Variants in GPAT3 observed in about 807,000 individuals in gnomAD.
GPAT3 encodes 1-AGP acyltransferase 9.
In GPAT3, 53 loss-of-function variants were observed where a neutral mutation model predicts 58.8. That is an observed-to-expected ratio of 0.90 (90% CI 0.72 to 1.13). The LOEUF is 1.13. Among genes scored for constraint, GPAT3 ranks in the 50% most tolerant of loss-of-function variants. GPAT3 has a pLI of 0.00. For missense variants in GPAT3, 511 were observed against 527.6 expected (o/e 0.97, Z 0.31); for synonymous variants, 197 against 187.4 (o/e 1.05, Z -0.42).
At chr4:83,547,807 G>A (rs79020075) in intron 2 of GPAT3, among the ~76,000 whole-genome samples, 1,519 of 149,414 alleles carry the variant, frequency 0.01, 37 homozygotes, top group African/African-American at 0.035. Context: ...GGTAAATCTC[G>A]TTAAGAAGCT....
At chr4:83,570,099 G>A (rs1725546552) in intron 2 of GPAT3, among the ~76,000 whole-genome samples, 3 of 152,178 alleles carry the variant, frequency 2.0e-5, no homozygotes, top group Admixed American at 2.0e-4. Context: ...TTCGTCAGTG[G>A]GCAGGTATTG....
At position 83,536,297 on chromosome 4, in the gene GPAT3, C is replaced by G. The variant is rs1283422593; in HGVS notation, c.-326C>G. On this transcript the variant is annotated 5_prime_UTR_variant, in exon 1 of 12. Transcript: ENST00000264409. ...TCCTGGCTGCGCTCGCGCGCTCTGC[C>G]CGCGCCGCGGTGTGCCTCCGCTTAC... 9.4e-7 allele frequency: 1 copy of G among 1,066,490 alleles called. No individual in the cohort carries two copies. Among genetic ancestry groups the G allele is most frequent in the Non-Finnish European group, 1.1e-6 (1 of 882,800 alleles). 66.1% of individuals were successfully genotyped at this position (1,066,490 alleles called of 1,614,324 possible). A position where few individuals can be genotyped will look rare whatever the true frequency, so the allele number is the denominator to read the frequency against.
intron 6 of GPAT3, among the ~76,000 whole-genome samples, chr4:83,593,058 G>T (rs933466929): frequency 4.4e-4 from 67 of 151,366 alleles, no homozygotes; most frequent in African/African-American, 1.5e-3. Flanking sequence ...GTAGAGACGG[G>T]GTTTTGCCAT....
At chr4:83,579,873 G>A (rs753238328) in intron 2 of GPAT3, among the ~76,000 whole-genome samples, 2 of 152,146 alleles carry the variant, frequency 1.3e-5, no homozygotes, top group South Asian at 2.1e-4. Context: ...ACTAATACAC[G>A]TATAACTCTT....
At chr4:83,556,793 A>T (rs1042905031) in intron 2 of GPAT3, among the ~76,000 whole-genome samples, 1 of 152,226 alleles carries the variant, frequency 6.6e-6, no homozygotes, top group African/African-American at 2.4e-5. Context: ...AAAAAAAAAA[A>T]AAAGTAAATC....
intron 1 of GPAT3, among the ~76,000 whole-genome samples, chr4:83,540,093 G>T (rs184817149): frequency 6.6e-6 from 1 of 151,092 alleles, no homozygotes. Flanking sequence ...GGAGGCAGAG[G>T]CTACAGTGAG....
chr4:83,575,638 T>C (rs1725784841), intron 2 of GPAT3, among the ~76,000 whole-genome samples: 1 of 151,986 alleles, frequency 6.6e-6, no homozygotes, highest in African/African-American at 2.4e-5. Context: ...ATGGTCTCGA[T>C]CTCCTGACCT....
chr4:83,559,632 A>C (rs1470149179), intron 2 of GPAT3, among the ~76,000 whole-genome samples: 1 of 152,122 alleles, frequency 6.6e-6, no homozygotes, highest in Non-Finnish European at 1.5e-5. Context: ...GAAAGCAGGA[A>C]AGTTCTTCAT....
chr4:83,575,837 T>A (rs554670874), intron 2 of GPAT3, among the ~76,000 whole-genome samples: 1 of 152,354 alleles, frequency 6.6e-6, no homozygotes, highest in South Asian at 2.1e-4. Context: ...GTCAGTTCCA[T>A]GTAGCACTTT....
In GPAT3 at chr4:83,538,560, T is replaced by C. The variant is rs143229691; in HGVS notation, c.141+1797T>C. Among the ~76,000 whole-genome samples, 141 of 152,336 alleles carry C rather than the reference T, an allele frequency of 9.3e-4. 1 individual carries two copies. Among genetic ancestry groups the C allele is most frequent in the Middle Eastern group, 3.4e-3 (1 of 294 alleles). On this transcript the variant is annotated intron_variant, in intron 1 of 11. Transcript: ENST00000264409. ...TTGGAATTTATACCCTGTGTAAGAA[T>C]GGTGTAAAGGTAAATCACACCCACT...
intron 8 of GPAT3, among the ~76,000 whole-genome samples, chr4:83,597,136 G>C (rs904361552): frequency 2.0e-5 from 3 of 152,150 alleles, no homozygotes; most frequent in African/African-American, 7.2e-5. Flanking sequence ...AGTGAACTGA[G>C]AGCAGAATTG....
intron 3 of GPAT3, among the ~76,000 whole-genome samples, chr4:83,582,319 G>T (rs1424305961): frequency 6.6e-6 from 1 of 152,206 alleles, no homozygotes; most frequent in African/African-American, 2.4e-5. Flanking sequence ...AAGTGTGTTT[G>T]TTCCATCCAA....
intron 2 of GPAT3, among the ~76,000 whole-genome samples, chr4:83,578,868 C>T (rs1482366379): frequency 6.6e-6 from 1 of 151,480 alleles, no homozygotes; most frequent in Non-Finnish European, 1.5e-5. Flanking sequence ...TTCCTTCCTT[C>T]CTTCCTTCCC....
chr4:83,561,893 G>A (rs879587714), intron 2 of GPAT3, among the ~76,000 whole-genome samples: 1 of 150,282 alleles, frequency 6.7e-6, no homozygotes, highest in Non-Finnish European at 1.5e-5. Flanking sequence ...TTTAGTACAA[G>A]CCTGATTTAA....
At position 83,589,602 on chromosome 4, in the gene GPAT3, C is replaced by T. The variant is rs114016336; in HGVS notation, c.645-597C>T. The stretch of plus-strand genomic sequence containing the variant: ...GGAGGAAATTATGGTGAATTTTCTC[C>T]GTGGATTACCATGAAACCACTAAAA... On this transcript the variant is annotated intron_variant, in intron 5 of 11. Transcript: ENST00000264409. Among the ~76,000 whole-genome samples, 575 of 152,066 alleles carry T rather than the reference C, an allele frequency of 3.8e-3. 5 individuals carry two copies. The highest frequency in any genetic ancestry group is 0.013 in the African/African-American group (541 of 41,462).
At chr4:83,582,786 G>A (rs185798924) in intron 3 of GPAT3, among the ~76,000 whole-genome samples, 105 of 150,654 alleles carry the variant, frequency 7.0e-4, no homozygotes, top group African/African-American at 2.5e-3. Flanking sequence ...TGTTGTTGTT[G>A]TTTTTTTTTG....
At chr4:83,594,558 T>C (rs892230918) in intron 6 of GPAT3, among the ~76,000 whole-genome samples, 10 of 152,240 alleles carry the variant, frequency 6.6e-5, no homozygotes, top group Admixed American at 6.5e-5. Flanking sequence ...TATTTCAGTG[T>C]AGTTTTAATT....
intron 2 of GPAT3, among the ~76,000 whole-genome samples, chr4:83,575,873 C>T (rs1401621324): frequency 2.0e-5 from 3 of 152,156 alleles, no homozygotes; most frequent in Non-Finnish European, 2.9e-5. Context: ...CACATGTGTA[C>T]TTGCCACCTC....
intron 2 of GPAT3, among the ~76,000 whole-genome samples, chr4:83,563,372 T>C (rs1725251651): frequency 6.6e-6 from 1 of 152,186 alleles, no homozygotes; most frequent in Non-Finnish European, 1.5e-5. Context: ...TGACTACCTC[T>C]ATCCCAAGTT....
Sources: gnomAD v4.1 joint callset for allele counts (sites outside exome capture counted in the v4.1 genomes callset) on GRCh38, gnomAD v4.1.1 for gene constraint, MANE v1.5 for transcripts, NCBI Gene and HGNC (gene_info 2026-07-23, HGNC 2026-07-21) for gene names.